The following CUBN variants were observed in gnomAD, a reference collection of about 807,000 sequenced individuals.
CUBN encodes the protein 460 kDa receptor.
In CUBN, 282 loss-of-function variants were observed where a neutral mutation model predicts 405.3. The observed-to-expected ratio is 0.70, with a 90% CI of 0.63 to 0.77. The LOEUF is 0.77. CUBN is among the 30% of genes least tolerant of loss of function. CUBN has a pLI of 0.00. For missense variants in CUBN, 4,514 were observed against 4,475.2 expected (o/e 1.01, Z -0.25); for synonymous variants, 1,684 against 1,617.0 (o/e 1.04, Z -0.99).
rs978002381 is a variant in CUBN, at chr10:16,984,388, G to C, written c.4351-109C>G. The C allele has an allele frequency of 4.5e-4, 473 of 1,049,672 alleles. 1 individual carries two copies. Among genetic ancestry groups the C allele is most frequent in the Non-Finnish European group, 6.3e-4 (438 of 696,890 alleles). The allele number at this position is 1,049,672 out of a possible 1,614,324, so 65.0% of individuals were successfully genotyped here. A position where few individuals can be genotyped will look rare whatever the true frequency, so the allele number is the denominator to read the frequency against. ...CTCCTTGGGTTCTATGATTATTAGA[G>C]ATTGAAATCTCAGCCTCCCTGGGTG... On this transcript the variant is annotated intron_variant, in intron 29 of 66. Coordinates refer to ENST00000377833, the MANE Select transcript of CUBN (RefSeq NM_001081.4).
rs747745840 is a variant in CUBN at position 16,940,090 on chromosome 10, G to C, written c.5490C>G (p.Val1830=). ...YSSIVGHTLW[V]RFISDGSGSG... is the part of the protein sequence containing the mutation. ...TGCCAGAACCATCTGAGATAAATCT[G>C]ACCCACAGGGTATGTCCAACGATGG... Residue 1830 remains valine, a synonymous_variant, in exon 37 of 67, where the codon GTC becomes GTG. Transcript: ENST00000377833. 6.2e-7 allele frequency: 1 copy of C among 1,613,986 alleles called. No individual in the cohort carries two copies. The highest frequency in any genetic ancestry group is 1.3e-5 in the African/African-American group (1 of 74,922).
chr10:16,892,165 T>A (rs1250775280), intron 54 of CUBN, among the ~76,000 whole-genome samples: 2 of 152,234 alleles, frequency 1.3e-5, no homozygotes, highest in African/African-American at 2.4e-5. Flanking sequence ...CTCAGCTCTT[T>A]AAAGCCGTAT....
chr10:17,029,220 G>T (rs1160923289), intron 27 of CUBN, among the ~76,000 whole-genome samples: 4 of 152,314 alleles, frequency 2.6e-5, no homozygotes, highest in South Asian at 4.1e-4. Flanking sequence ...AGGTTGGAAC[G>T]TTGGTTCATT....
At chr10:17,011,351 G>T (rs1186268467) in intron 28 of CUBN, among the ~76,000 whole-genome samples, 1 of 152,104 alleles carries the variant, frequency 6.6e-6, no homozygotes, top group Non-Finnish European at 1.5e-5. Context: ...GTGGGTTCGT[G>T]GTCTCGCTGA....
chr10:17,117,539 T>C (rs954654366), intron 6 of CUBN, among the ~76,000 whole-genome samples: 2 of 152,160 alleles, frequency 1.3e-5, no homozygotes, highest in Admixed American at 6.5e-5. Context: ...CACACCCGGC[T>C]AATTTTTTAT....
intron 31 of CUBN, among the ~76,000 whole-genome samples, chr10:16,965,348 T>G (rs11254302): frequency 0.057 from 8,688 of 152,258 alleles, 358 homozygotes; most frequent in Non-Finnish European, 0.088. Context: ...TTGCACGAAA[T>G]AAAGACCAGT....
At chr10:16,940,952 T>C (rs1842634322) in intron 36 of CUBN, among the ~76,000 whole-genome samples, 1 of 152,170 alleles carries the variant, frequency 6.6e-6, no homozygotes, top group Admixed American at 6.5e-5. Flanking sequence ...TGCTTGAATG[T>C]GACCTATTCA....
rs1458219901 is a variant in CUBN, at chr10:16,896,287, C to T, written c.8598+2709G>A. The stretch of plus-strand genomic sequence containing the variant: ...TTCCTTTTTCTTTTCTCATGCTCCA[C>T]GGTTCTTTAATAATTTCATTTTTGT... On this transcript the variant is annotated intron_variant, in intron 54 of 66. Transcript: ENST00000377833. 4.6e-5 allele frequency among the ~76,000 whole-genome samples: 7 copies of T among 152,138 alleles called. No individual in the cohort carries two copies. In the South Asian group the frequency reaches 6.2e-4, roughly 14 times the overall value.
At chr10:17,044,194 T>C (rs1348252556) in intron 25 of CUBN, among the ~76,000 whole-genome samples, 1 of 147,030 alleles carries the variant, frequency 6.8e-6, no homozygotes, top group African/African-American at 2.5e-5. Context: ...TATATTTTTA[T>C]ATATGTATTC....
intron 28 of CUBN, among the ~76,000 whole-genome samples, chr10:16,997,306 G>A (rs766203278): frequency 6.6e-6 from 1 of 151,982 alleles, no homozygotes; most frequent in Non-Finnish European, 1.5e-5. Context: ...GTGGTGGCAG[G>A]CACCTGTAGT....
chr10:16,981,134 C>T (rs892830858), intron 31 of CUBN, among the ~76,000 whole-genome samples: 6 of 149,244 alleles, frequency 4.0e-5, no homozygotes, highest in South Asian at 4.2e-4. Flanking sequence ...GCCTGCCCTG[C>T]GCCCATCTGG....
At chr10:16,898,529 C>G (rs1363971350) in intron 54 of CUBN, among the ~76,000 whole-genome samples, 4 of 152,128 alleles carry the variant, frequency 2.6e-5, no homozygotes, top group African/African-American at 9.7e-5. Flanking sequence ...ATTTCTAAGA[C>G]AGTCATCATA....
intron 26 of CUBN, among the ~76,000 whole-genome samples, chr10:17,041,469 A>C (rs138358041): frequency 6.6e-6 from 1 of 152,260 alleles, no homozygotes; most frequent in African/African-American, 2.4e-5. Flanking sequence ...AGTGAATTCA[A>C]ACTAAAGAGT....
At chr10:17,015,827 C>G (rs1209815690) in intron 28 of CUBN, among the ~76,000 whole-genome samples, 1 of 152,142 alleles carries the variant, frequency 6.6e-6, no homozygotes, top group Non-Finnish European at 1.5e-5. Flanking sequence ...TCCTTGTAAA[C>G]CACACTGATA....
At chr10:16,910,024 TTC>T (rs1841676513) in intron 48 of CUBN, among the ~76,000 whole-genome samples, 2 of 152,296 alleles carry the variant, frequency 1.3e-5, no homozygotes, top group African/African-American at 4.8e-5. Context: ...CCAGCAGATC[TTC>T]TTTCTTCTTC....
intron 31 of CUBN, among the ~76,000 whole-genome samples, chr10:16,955,594 G>T (rs1843039310): frequency 1.3e-5 from 2 of 152,114 alleles, no homozygotes; most frequent in South Asian, 4.2e-4. Context: ...ATGAATTTTT[G>T]AATACTCTTA....
intron 19 of CUBN, among the ~76,000 whole-genome samples, chr10:17,070,408 G>C (rs772131565): frequency 6.6e-6 from 1 of 152,064 alleles, no homozygotes; most frequent in Non-Finnish European, 1.5e-5. Flanking sequence ...AAAAGAGCCC[G>C]CTGTGATTTT....
Position 17,105,443 on chromosome 10 carries a change from A to C in CUBN, c.1230+14T>G, listed in dbSNP as rs1211762068. The C allele has an allele frequency of 2.8e-6, 4 of 1,425,882 alleles. No homozygotes were observed. In the African/African-American group the frequency reaches 5.6e-5, roughly 20 times the overall value. 88.3% of individuals were successfully genotyped at this position (1,425,882 alleles called of 1,614,324 possible). ...TCAGGTACTCTCTGTCCACAGGAAA[A>C]ACAAAGGACTCACGATGCATTGTCC... is the stretch of plus-strand genomic sequence containing the variant. On this transcript the variant is annotated intron_variant, in intron 11 of 66. Coordinates refer to ENST00000377833, the MANE Select transcript of CUBN (RefSeq NM_001081.4).
At chr10:17,079,854 A>T (rs138907988) in intron 17 of CUBN, among the ~76,000 whole-genome samples, 27 of 152,254 alleles carry the variant, frequency 1.8e-4, no homozygotes, top group Admixed American at 7.9e-4. Context: ...ATGCCTAAGA[A>T]GTCACAAAAG....
Sources: gnomAD v4.1 joint callset for allele counts (sites outside exome capture counted in the v4.1 genomes callset) on GRCh38, gnomAD v4.1.1 for gene constraint, MANE v1.5 for transcripts, NCBI Gene and HGNC (gene_info 2026-07-23, HGNC 2026-07-21) for gene names.